Variants in ABCA13 observed in about 807,000 individuals in gnomAD.
The protein encoded by ABCA13 is ATP binding cassette subfamily A member 13, also known as ATP-binding cassette sub-family A member 13.
A neutral mutation model predicts 478.7 loss-of-function variants in ABCA13; 476 were observed. The observed-to-expected ratio is 0.99, with a 90% confidence interval of 0.92 to 1.07. ABCA13 has a LOEUF of 1.07. Ranked by LOEUF, ABCA13 falls within the 50% of genes least tolerant of loss-of-function variation. The pLI, the probability that ABCA13 is intolerant of heterozygous loss-of-function variation, is 0.00. For synonymous variants in ABCA13, 2,252 were observed against 2,158.9 expected (o/e 1.04, Z -1.20); for missense variants, 6,060 against 5,910.6 (o/e 1.03, Z -0.83).
chr7:48,365,245 A>G (rs373541066), intron 31 of ABCA13, among the ~76,000 whole-genome samples: 10 of 152,016 alleles, frequency 6.6e-5, no homozygotes, highest in Non-Finnish European at 1.5e-5. Flanking sequence ...TCTTTTGCCT[A>G]TGTTTTAATT....
chr7:48,428,601 A>G (rs1469220314), intron 42 of ABCA13, among the ~76,000 whole-genome samples: 2 of 152,186 alleles, frequency 1.3e-5, no homozygotes, highest in African/African-American at 4.8e-5. Context: ...ATGTTTCCCA[A>G]ATTGCATCCT....
intron 42 of ABCA13, among the ~76,000 whole-genome samples, chr7:48,450,990 C>A (rs1023061662): frequency 6.5e-5 from 8 of 123,566 alleles, no homozygotes; most frequent in African/African-American, 2.5e-4. Flanking sequence ...TTTTTCTTTT[C>A]TTTTTCTTTT....
intron 48 of ABCA13, among the ~76,000 whole-genome samples, chr7:48,501,959 T>C (rs1278954900): frequency 6.6e-6 from 1 of 152,194 alleles, no homozygotes; most frequent in Non-Finnish European, 1.5e-5. Flanking sequence ...AGTCACAACA[T>C]TCCTCTGATT....
At chr7:48,632,826 C>A (rs1307016680) in intron 59 of ABCA13, among the ~76,000 whole-genome samples, 1 of 152,064 alleles carries the variant, frequency 6.6e-6, no homozygotes, top group South Asian at 2.1e-4. Context: ...ATTTTCAAAT[C>A]GTGTTTTCAA....
At chr7:48,312,374 T>A (rs1367947075) in intron 24 of ABCA13, among the ~76,000 whole-genome samples, 1 of 152,206 alleles carries the variant, frequency 6.6e-6, no homozygotes, top group Non-Finnish European at 1.5e-5. Context: ...CTGTTGCTAT[T>A]TTATGCCCAG....
At chr7:48,458,346 G>A (rs936688910) in intron 43 of ABCA13, among the ~76,000 whole-genome samples, 2 of 152,180 alleles carry the variant, frequency 1.3e-5, no homozygotes, top group Non-Finnish European at 2.9e-5. Flanking sequence ...TGCTCCAAAT[G>A]TGGGACAACC....
intron 23 of ABCA13, among the ~76,000 whole-genome samples, chr7:48,302,631 A>G (rs191508383): frequency 1.3e-5 from 2 of 152,308 alleles, no homozygotes; most frequent in African/African-American, 4.8e-5. Flanking sequence ...TTTGCTGACG[A>G]TAATGGCCTC....
chr7:48,398,660 T>C (rs1817184616), intron 38 of ABCA13, among the ~76,000 whole-genome samples: 1 of 152,214 alleles, frequency 6.6e-6, no homozygotes, highest in Non-Finnish European at 1.5e-5. Flanking sequence ...AGGAACTTTG[T>C]TAGACCTTTA....
chr7:48,413,165 G>T (rs1461906910), intron 41 of ABCA13, among the ~76,000 whole-genome samples: 2 of 152,098 alleles, frequency 1.3e-5, no homozygotes, highest in Non-Finnish European at 2.9e-5. Context: ...AGAATCATGA[G>T]GTGTTTAAAC....
In ABCA13 at chr7:48,559,878, T is replaced by C. The variant is rs111995198; in HGVS notation, c.14355-20346T>C. 6.2e-3 allele frequency among the ~76,000 whole-genome samples: 943 copies of C among 152,268 alleles called. 10 individuals carry two copies. The highest frequency in any genetic ancestry group is 0.022 in the African/African-American group (897 of 41,562). ...CCTCATGAATTTGCCTGGTGCCCTA[T>C]TTGATTGTGGCTGAGCTGTTAAAAG... On this transcript the variant is annotated intron_variant, in intron 55 of 61. Transcript: ENST00000435803.
chr7:48,392,240 T>G, intron 38 of ABCA13, 101 bp downstream of exon 38: 1 of 1,103,946 alleles, frequency 9.1e-7, no homozygotes, highest in Admixed American at 2.2e-5. Flanking sequence ...TGTGTCTACA[T>G]TTATAAGATG....
chr7:48,506,355 C>G lies in ABCA13; in HGVS notation c.13311C>G (p.His4437Gln). Residue 4437 changes from histidine (H) to glutamine (Q), a missense_variant, in exon 49 of 62, where the codon CAC becomes CAG. By Grantham distance (24) the His-to-Gln change is conservative. Around this residue, in one of 3 missense-constraint regions of ABCA13, gnomAD observed 1,627 missense variants for 1,571.0 expected, o/e 1.04. Transcript: ENST00000435803. ...TCACAGGAATAACACTCTACAGCCA[C>G]CCATATGGAGGGGCCTTGCTGAACG... ...WRQYGITLYS[H>Q]PYGGALLNED... is the part of the protein sequence containing the mutation. The G allele has an allele frequency of 6.2e-7, 1 of 1,613,830 alleles. No individual in the cohort carries two copies. The highest frequency in any genetic ancestry group is 8.5e-7 in the Non-Finnish European group (1 of 1,179,794).
At chr7:48,482,175 C>T (rs1828838171) in intron 46 of ABCA13, among the ~76,000 whole-genome samples, 1 of 151,712 alleles carries the variant, frequency 6.6e-6, no homozygotes, top group Admixed American at 6.6e-5. Flanking sequence ...GATAAACCAG[C>T]AAATAGACAA....
intron 1 of ABCA13, among the ~76,000 whole-genome samples, chr7:48,173,619 G>C (rs375199447): frequency 1.8e-4 from 27 of 152,292 alleles, no homozygotes; most frequent in Non-Finnish European, 3.2e-4. Flanking sequence ...AGTGATATTT[G>C]TACAAGGTTG....
intron 27 of ABCA13, among the ~76,000 whole-genome samples, chr7:48,323,102 C>T (rs570220201): frequency 1.7e-4 from 26 of 152,098 alleles, no homozygotes; most frequent in Admixed American, 7.9e-4. Flanking sequence ...CACTAAAGGG[C>T]GTGTGGGTTT....
intron 54 of ABCA13, among the ~76,000 whole-genome samples, chr7:48,525,870 A>G (rs1832859687): frequency 6.6e-6 from 1 of 151,888 alleles, no homozygotes; most frequent in African/African-American, 2.4e-5. Flanking sequence ...TGCATTAGCT[A>G]TTTATCCTGA....
intron 3 of ABCA13, among the ~76,000 whole-genome samples, chr7:48,207,595 C>A (rs1343868035): frequency 1.3e-5 from 2 of 152,032 alleles, no homozygotes; most frequent in Non-Finnish European, 1.5e-5. Flanking sequence ...ATTTGTATGT[C>A]TTCTTTTGAG....
chr7:48,268,313 C>T (rs1338124073), intron 15 of ABCA13, among the ~76,000 whole-genome samples: 2 of 152,040 alleles, frequency 1.3e-5, no homozygotes, highest in Non-Finnish European at 2.9e-5. Flanking sequence ...CCCACCACCA[C>T]ACCCGGCTAA....
chr7:48,579,113 C>T (rs141990804), intron 55 of ABCA13, among the ~76,000 whole-genome samples: 12 of 152,208 alleles, frequency 7.9e-5, no homozygotes, highest in African/African-American at 2.6e-4. Context: ...AAGCATGATC[C>T]ATAAAAGAAA....
Sources: allele counts gnomAD v4.1 joint callset (sites outside exome capture counted in the v4.1 genomes callset), GRCh38; gene constraint gnomAD v4.1.1; regional missense constraint gnomAD v4.1.1; transcripts MANE v1.5; gene names NCBI Gene and HGNC (gene_info 2026-07-23, HGNC 2026-07-21).